IPPK: variants seen among roughly 807,000 people sequenced by gnomAD.
IPPK encodes the protein inositol-pentakisphosphate 2-kinase.
A neutral mutation model predicts 64.6 loss-of-function variants in IPPK; 22 were observed. The observed-to-expected ratio is 0.34, with a 90% CI of 0.24 to 0.49. The LOEUF is 0.49. Among genes scored for constraint, IPPK ranks in the 20% least tolerant of loss-of-function variants. The pLI is 0.99. For synonymous variants in IPPK, 262 were observed against 247.2 expected (o/e 1.06, Z -0.56); for missense variants, 532 against 630.7 (o/e 0.84, Z 1.68).
chr9:92,635,291 G>T lies in IPPK; in HGVS notation c.934C>A (p.Arg312Ser). ...LRCQGKNTPE[R>S]SGLPKGCLLY... is the part of the protein sequence containing the mutation. ...AGACAGCCCTTCGGTAACCCCGAGC[G>T]CTCTGGGGTGTTTTTTCCTACCGAG... Residue 312 changes from arginine (R) to serine (S), a missense_variant, in exon 10 of 13, where the codon CGC becomes AGC. By Grantham distance (110) the Arg-to-Ser change is moderately radical (BLOSUM62 -1). Coordinates refer to ENST00000287996, the MANE Select transcript of IPPK (RefSeq NM_022755.6). The surrounding 1 kb of genome is among the most constrained non-coding windows in gnomAD (Gnocchi z 4.4). The T allele has an allele frequency of 6.2e-7, 1 of 1,609,940 alleles. No homozygotes were observed. The highest frequency in any genetic ancestry group is 8.5e-7 in the Non-Finnish European group (1 of 1,178,832).
intron 1 of IPPK, among the ~76,000 whole-genome samples, chr9:92,666,361 GGCAGGC>G (rs1260955333): frequency 6.6e-6 from 1 of 152,180 alleles, no homozygotes; most frequent in African/African-American, 2.4e-5. Flanking sequence ...AGGCGAAGGA[GGCAGGC>G]GCAGGCGTCA....
chr9:92,659,556 T>C (rs2131460809), intron 1 of IPPK, among the ~76,000 whole-genome samples: 1 of 152,262 alleles, frequency 6.6e-6, no homozygotes, highest in African/African-American at 2.4e-5. Flanking sequence ...GTACATTATA[T>C]GTAGGAGGAG....
intron 4 of IPPK, among the ~76,000 whole-genome samples, chr9:92,650,668 A>G (rs933424659): frequency 2.2e-4 from 34 of 152,156 alleles, no homozygotes; most frequent in African/African-American, 7.7e-4. Flanking sequence ...AAACATAACC[A>G]TAAGTAAAAC....
chr9:92,640,872 T>C lies in IPPK; in HGVS notation c.564-90A>G. The stretch of plus-strand genomic sequence containing the variant: ...CCTGCTCGTGGCTCAGAGGACATGC[T>C]GGGTACTCCCAGGGGCCGCTGGGAA... On this transcript the variant is annotated intron_variant, in intron 7 of 12. Transcript: ENST00000287996. The C allele has an allele frequency of 1.3e-5, 12 of 917,284 alleles. 1 individual carries two copies. In the South Asian group the frequency reaches 1.6e-4, roughly 12 times the overall value. 56.8% of individuals were successfully genotyped at this position (917,284 alleles called of 1,614,324 possible). A position where few individuals can be genotyped will look rare whatever the true frequency, so the allele number is the denominator to read the frequency against.
At chr9:92,665,639 A>T (rs2131466601) in intron 1 of IPPK, among the ~76,000 whole-genome samples, 1 of 152,376 alleles carries the variant, frequency 6.6e-6, no homozygotes, top group East Asian at 1.9e-4. Flanking sequence ...AGCCACTTAG[A>T]ACATTTTCAT....
intron 9 of IPPK, among the ~76,000 whole-genome samples, chr9:92,636,656 T>A (rs574609736): frequency 6.5e-4 from 97 of 150,324 alleles, no homozygotes; most frequent in African/African-American, 1.8e-3. Flanking sequence ...ATAATTAATT[T>A]AAAAAAAAAA....
chr9:92,618,295 G>GCCCTC (rs1227003393), intron 12 of IPPK: 3 of 456,718 alleles, frequency 6.6e-6, no homozygotes, highest in South Asian at 4.6e-5. Flanking sequence ...TTCAGGACAT[G>GCCCTC]CCCTCCCCTC....
chr9:92,657,749 C>T (rs1852402043), intron 2 of IPPK, among the ~76,000 whole-genome samples: 1 of 152,146 alleles, frequency 6.6e-6, no homozygotes, highest in Non-Finnish European at 1.5e-5. Flanking sequence ...CCCACTGTGG[C>T]CCCACCAACG....
At chr9:92,629,468 G>T (rs959628057) in intron 11 of IPPK, among the ~76,000 whole-genome samples, 1 of 152,000 alleles carries the variant, frequency 6.6e-6, no homozygotes, top group Non-Finnish European at 1.5e-5. Flanking sequence ...GTAGGCAAAG[G>T]GGGCTGGGCA....
rs1852694432 is a variant in IPPK, at chr9:92,669,965, C to G, written c.24G>C (p.Glu8Asp). 6.2e-7 allele frequency: 1 copy of G among 1,613,132 alleles called. No homozygotes were observed. The highest frequency in any genetic ancestry group is 1.3e-5 in the African/African-American group (1 of 74,928). The stretch of plus-strand genomic sequence containing the variant: ...CCTCTCCGTGGTACCCCCATTCATT[C>G]TCGTCCATCTTCCCCTCTTCCATGC... MEEGKMD[E>D]NEWGYHGEGN... The change falls in exon 1 of 13, where the codon GAG becomes GAC. Residue 8 changes from glutamate to aspartate, a missense_variant. By Grantham distance (45) the Glu-to-Asp change is conservative. Transcript: ENST00000287996.
At chr9:92,618,242 A>G in intron 12 of IPPK, 1 of 456,644 alleles carries the variant, frequency 2.2e-6, no homozygotes, top group Non-Finnish European at 4.4e-6. Flanking sequence ...GGATGGTTCC[A>G]GTGCCTACAC....
At chr9:92,616,124 TCTCC>T in intron 12 of IPPK, 67 bp from the exon 13 acceptor site, 4 of 1,077,224 alleles carry the variant, frequency 3.7e-6, no homozygotes, top group Middle Eastern at 2.0e-4. Context: ...TCCCGTTCTC[TCTCC>T]CTTTCTTCTT....
At chr9:92,625,812 A>T (rs1356914620) in intron 11 of IPPK, among the ~76,000 whole-genome samples, 1 of 152,206 alleles carries the variant, frequency 6.6e-6, no homozygotes, top group Non-Finnish European at 1.5e-5. Context: ...CTCTGGAAGA[A>T]GGCATCCCCT....
Position 92,649,459 on chromosome 9 carries a change from C to G in IPPK, c.408G>C (p.Glu136Asp). The change falls in exon 5 of 13, where the codon GAG becomes GAC. Residue 136 changes from glutamate (E) to aspartate (D), a missense_variant. Transcript: ENST00000287996. ...CTGCCCCTCGACAGGTCACCTTAATCTCTACACACAGAATCGGCCGGTGCT... is the reference window on the plus strand; with the variant it reads ...CTGCCCCTCGACAGGTCACCTTAATGTCTACACACAGAATCGGCCGGTGCT... ...FAEHRPILCV[E>D]IKPKCGFIPF... is the part of the protein sequence containing the mutation. The G allele has an allele frequency of 6.2e-7, 1 of 1,614,018 alleles. No individual in the cohort carries two copies. Among genetic ancestry groups the G allele is most frequent in the Non-Finnish European group, 8.5e-7 (1 of 1,179,986 alleles).
chr9:92,658,711 T>C, intron 1 of IPPK, 30 bp from the exon 2 acceptor site: 2 of 1,609,028 alleles, frequency 1.2e-6, no homozygotes, highest in Non-Finnish European at 8.5e-7. Context: ...ATCTGATTAG[T>C]ATTTGCTCAA....
intron 1 of IPPK, among the ~76,000 whole-genome samples, chr9:92,666,400 A>G (rs1000829805): frequency 6.6e-6 from 1 of 152,222 alleles, no homozygotes; most frequent in Admixed American, 6.5e-5. Context: ...ATCCTGCGGC[A>G]GTGCATAAAG....
intron 3 of IPPK, among the ~76,000 whole-genome samples, chr9:92,654,612 G>A (rs1370708398): frequency 6.6e-6 from 1 of 152,178 alleles, no homozygotes; most frequent in East Asian, 1.9e-4. Flanking sequence ...ACGTGAGGAC[G>A]CACCAACCAG....
At chr9:92,666,911 A>G (rs889234573) in intron 1 of IPPK, among the ~76,000 whole-genome samples, 2 of 151,766 alleles carry the variant, frequency 1.3e-5, no homozygotes, top group Admixed American at 1.3e-4. Flanking sequence ...CCTGCGCTGC[A>G]CAGAAGGCTC....
In IPPK at chr9:92,638,092, C is replaced by T. The variant is rs763608620; in HGVS notation, c.825G>A (p.Lys275=). 2 of 1,613,680 alleles carry T rather than the reference C, an allele frequency of 1.2e-6. No homozygotes were observed. Among genetic ancestry groups the T allele is most frequent in the South Asian group, 1.1e-5 (1 of 91,084 alleles). Residue 275 remains lysine, a synonymous_variant, in exon 9 of 13, where the codon AAG becomes AAA. Transcript: ENST00000287996. ...ITRVLLSGSD[K]GRAGTLSPGL... ...CCGGACTCAGGGTGCCTGCCCGGCCCTTGTCCGAGCCACTCAGCAGCACCC... is the reference window on the plus strand; with the variant it reads ...CCGGACTCAGGGTGCCTGCCCGGCCTTTGTCCGAGCCACTCAGCAGCACCC...
Sources: gnomAD v4.1 joint callset for allele counts (sites outside exome capture counted in the v4.1 genomes callset) on GRCh38, gnomAD v4.1.1 for gene constraint, Gnocchi (gnomAD v3.1) non-coding constraint, MANE v1.5 for transcripts, NCBI Gene and HGNC (gene_info 2026-07-23, HGNC 2026-07-21) for gene names.